NEK6: variants seen among roughly 807,000 people sequenced by gnomAD.
NEK6 encodes serine/threonine-protein kinase Nek6.
NEK6 carries 27 observed loss-of-function variants against 43.5 expected under a neutral mutation model. The observed-to-expected ratio is 0.62, with a 90% CI of 0.46 to 0.86. The LOEUF (loss-of-function observed/expected upper bound fraction) is 0.86. Ranked by LOEUF, NEK6 falls within the 40% of genes least tolerant of loss-of-function variation. The pLI is 0.00. For missense variants in NEK6, 318 were observed against 414.4 expected (o/e 0.77, Z 2.02); for synonymous variants, 167 against 164.1 (o/e 1.02, Z -0.14).
chr9:124,292,910 G>T (rs1485061344), intron 1 of NEK6: 3 of 1,509,756 alleles, frequency 2.0e-6, no homozygotes, highest in Non-Finnish European at 1.8e-6. Context: ...TGGGAGTGAC[G>T]GGGTGAGTCC....
At chr9:124,291,516 C>T (rs1280482895) in intron 1 of NEK6, among the ~76,000 whole-genome samples, 2 of 152,168 alleles carry the variant, frequency 1.3e-5, no homozygotes, top group African/African-American at 4.8e-5. Context: ...ATCCCAACTG[C>T]TTGGGAGCCT....
At chr9:124,309,264 G>C (rs561255569) in intron 2 of NEK6, among the ~76,000 whole-genome samples, 23 of 152,346 alleles carry the variant, frequency 1.5e-4, no homozygotes, top group African/African-American at 4.8e-4. Flanking sequence ...ACTGTGACAA[G>C]AAATGCAAAT....
chr9:124,282,476 T>G (rs1240821892), intron 1 of NEK6, among the ~76,000 whole-genome samples: 1 of 152,290 alleles, frequency 6.6e-6, no homozygotes, highest in African/African-American at 2.4e-5. Context: ...AGACAAGGGT[T>G]TGGGGGGAAC....
At position 124,327,429 on chromosome 9, in the gene NEK6, C is replaced by A; in HGVS notation, c.606C>A (p.Thr202=). The change falls in exon 7 of 10, where the codon ACC becomes ACA. Residue 202 remains threonine, a synonymous_variant. Coordinates refer to ENST00000320246, the MANE Select transcript of NEK6 (RefSeq NM_014397.6). The stretch of plus-strand genomic sequence containing the variant: ...GCCGCTTCTTCAGCTCTGAGACCAC[C>A]GCAGCCCACTCCCTAGGTAAGGGGG... ...GLGRFFSSET[T]AAHSLVGTPY... 5 of 1,612,836 alleles carry A rather than the reference C, an allele frequency of 3.1e-6. No individual in the cohort carries two copies. The highest frequency in any genetic ancestry group is 4.2e-6 in the Non-Finnish European group (5 of 1,179,896).
rs115560669 is a variant in NEK6, at chr9:124,317,204, G to A, written c.294+3219G>A. On this transcript the variant is annotated intron_variant, in intron 4 of 9. Coordinates refer to ENST00000320246, the MANE Select transcript of NEK6 (RefSeq NM_014397.6). Reference sequence around the variant, plus strand: ...GGCAGCGATGTGATGGCCAGTGTTCGCGCAGGACGTCCTTTTCAACACAAA... The same window carrying A: ...GGCAGCGATGTGATGGCCAGTGTTCACGCAGGACGTCCTTTTCAACACAAA... 8.1e-3 allele frequency among the ~76,000 whole-genome samples: 1,236 copies of A among 152,296 alleles called. 14 individuals carry two copies. Among genetic ancestry groups the A allele is most frequent in the African/African-American group, 0.028 (1,168 of 41,576 alleles).
At chr9:124,314,302 C>G (rs369078728) in intron 4 of NEK6, among the ~76,000 whole-genome samples, 4 of 152,262 alleles carry the variant, frequency 2.6e-5, no homozygotes, top group African/African-American at 9.6e-5. Context: ...GACCCTGCCT[C>G]GCAGTGGCCT....
At chr9:124,262,996 C>T (rs1831093747) in intron 1 of NEK6, 1 of 152,214 alleles carries the variant, frequency 6.6e-6, no homozygotes, top group Non-Finnish European at 1.5e-5. Context: ...TCTCCATGTT[C>T]CAGAGGCGCG....
intron 1 of NEK6, among the ~76,000 whole-genome samples, chr9:124,288,983 C>T (rs996925537): frequency 1.2e-4 from 18 of 152,000 alleles, no homozygotes; most frequent in African/African-American, 2.7e-4. Context: ...GTTGGTGTTT[C>T]GTTTTTTGTT....
At chr9:124,340,349 G>C (rs540871424) in intron 8 of NEK6, among the ~76,000 whole-genome samples, 1 of 152,306 alleles carries the variant, frequency 6.6e-6, no homozygotes, top group Admixed American at 6.5e-5. Context: ...AGCCACTCTT[G>C]GCCATGAAGC....
Position 124,292,226 on chromosome 9 carries a change from C to A in NEK6, c.-29-9710C>A, listed in dbSNP as rs576477562. The stretch of plus-strand genomic sequence containing the variant: ...CCTTGACCTGGCTGCACCTCTGCCA[C>A]CCACCGCTGGCTCAGCCACCTGCTG... On this transcript the variant is annotated intron_variant, in intron 1 of 9. Coordinates refer to ENST00000320246, the MANE Select transcript of NEK6 (RefSeq NM_014397.6). 320 of 1,250,666 alleles carry A rather than the reference C, an allele frequency of 2.6e-4. 5 individuals are homozygous for A. In the South Asian group the frequency reaches 3.9e-3, roughly 15 times the overall value. The allele number at this position is 1,250,666 out of a possible 1,614,324, so 77.5% of individuals were successfully genotyped here. A position where few individuals can be genotyped will look rare whatever the true frequency, so the allele number is the denominator to read the frequency against.
In NEK6 at chr9:124,319,304, G is replaced by GT. The variant is rs369217846; in HGVS notation, c.295-2151dup. On this transcript the variant is annotated intron_variant, in intron 4 of 9. Transcript: ENST00000320246. ...CAGCCTCCTCTGCTCACTTTTTAAT[G>GT]TTTTGTTTTTTTTTATTGATTTAAG... Among the ~76,000 whole-genome samples the GT allele has an allele frequency of 1.2e-3, 185 of 148,410 alleles. 2 individuals carry two copies. The highest frequency in any genetic ancestry group is 5.4e-3 in the South Asian group (26 of 4,786).
intron 3 of NEK6, 41 bp downstream of exon 3, chr9:124,312,690 G>A (rs752766012): frequency 1.1e-5 from 17 of 1,586,208 alleles, no homozygotes; most frequent in Non-Finnish European, 1.4e-5. Flanking sequence ...CATCTCGGGA[G>A]GTGGTCTCTG....
intron 1 of NEK6, among the ~76,000 whole-genome samples, chr9:124,264,811 TATCAAA>T (rs1831161322): frequency 1.3e-5 from 1 of 76,494 alleles, no homozygotes; most frequent in African/African-American, 5.6e-5. Flanking sequence ...CGAGACTCTG[TATCAAA>T]AAAAAAAAAA....
In NEK6 at chr9:124,353,275, A is replaced by C. The variant is rs1830345838; in HGVS notation, c.*2328A>C. 1 of 319,390 alleles carries C rather than the reference A, an allele frequency of 3.1e-6. No homozygotes were observed. Among genetic ancestry groups the C allele is most frequent in the South Asian group, 6.0e-5 (1 of 16,718 alleles). 19.8% of individuals were successfully genotyped at this position (319,390 alleles called of 1,614,324 possible). A position where few individuals can be genotyped will look rare whatever the true frequency, so the allele number is the denominator to read the frequency against. On this transcript the variant is annotated 3_prime_UTR_variant, in exon 10 of 10. Coordinates refer to ENST00000320246, the MANE Select transcript of NEK6 (RefSeq NM_014397.6). ...AGGGTAGGTATCGATGGTCACCTGA[A>C]GCCTCAAGGGAGTCCACTCTGACTT...
At chr9:124,338,941 C>T (rs1057345214) in intron 7 of NEK6, among the ~76,000 whole-genome samples, 2 of 2,180 alleles carry the variant, frequency 9.2e-4, no homozygotes, top group Non-Finnish European at 2.6e-3. Context: ...TTGCTTCCCC[C>T]AGCCGGGCCG....
chr9:124,311,587 C>T (rs1364209056), intron 2 of NEK6, among the ~76,000 whole-genome samples: 2 of 152,174 alleles, frequency 1.3e-5, no homozygotes, highest in African/African-American at 4.8e-5. Flanking sequence ...AGCGCAGGAT[C>T]ATGTGTTCCA....
chr9:124,311,856 A>G (rs1310381040), intron 2 of NEK6, among the ~76,000 whole-genome samples: 1 of 152,116 alleles, frequency 6.6e-6, no homozygotes. Flanking sequence ...CACCCAGCTA[A>G]TTTTTATATT....
intron 1 of NEK6, among the ~76,000 whole-genome samples, chr9:124,298,361 G>A (rs748023155): frequency 2.6e-5 from 4 of 152,194 alleles, no homozygotes; most frequent in East Asian, 1.9e-4. Flanking sequence ...GGAGGCTAAC[G>A]GTGCCGCAGG....
chr9:124,263,293 A>G (rs1474188412), intron 1 of NEK6, among the ~76,000 whole-genome samples: 2 of 152,168 alleles, frequency 1.3e-5, no homozygotes, highest in East Asian at 1.9e-4. Flanking sequence ...CTTGCCACCC[A>G]TCTGTTTCAC....
Sources: allele counts gnomAD v4.1 joint callset (sites outside exome capture counted in the v4.1 genomes callset), GRCh38; gene constraint gnomAD v4.1.1; transcripts MANE v1.5; gene names NCBI Gene and HGNC (gene_info 2026-07-23, HGNC 2026-07-21).